Variants in CCN6 observed in about 807,000 individuals in gnomAD.
CCN6 encodes the protein CCN family member 6.
A neutral mutation model predicts 37.4 loss-of-function variants in CCN6; 31 were observed. That is an observed-to-expected ratio of 0.83 (90% CI 0.62 to 1.12). CCN6 has a LOEUF of 1.12. CCN6 is among the 50% of genes most tolerant of loss of function. The probability of loss-of-function intolerance (pLI) is 0.00; values close to 1 mark genes in which losing one functional copy is unlikely to be tolerated. For synonymous variants in CCN6, 137 were observed against 142.1 expected (o/e 0.96, Z 0.26); for missense variants, 369 against 413.8 (o/e 0.89, Z 0.94).
intron 1 of CCN6, 139 bp from the exon 2 acceptor site, chr6:112,060,852 T>C (rs2114444347): frequency 1.0e-6 from 1 of 978,432 alleles, no homozygotes; most frequent in Non-Finnish European, 1.6e-6. Context: ...AGAGTAATTG[T>C]GTCAAATGCT....
chr6:112,064,068 T>G (rs1040825322), intron 2 of CCN6, among the ~76,000 whole-genome samples: 9 of 152,146 alleles, frequency 5.9e-5, no homozygotes, highest in African/African-American at 2.2e-4. Flanking sequence ...CAAGATTACC[T>G]CTACAGTTTG....
At chr6:112,060,960 T>C (rs782331474) in intron 1 of CCN6, 31 bp from the exon 2 acceptor site, 49 of 1,612,942 alleles carry the variant, frequency 3.0e-5, no homozygotes, top group Non-Finnish European at 3.7e-5. Context: ...AGAGAAGCTA[T>C]TTCTAACATC....
Position 112,054,366 on chromosome 6 carries a change from G to A in CCN6, c.9G>A (p.Gly3=). 6.2e-7 allele frequency: 1 copy of A among 1,613,710 alleles called. No homozygotes were observed. The highest frequency in any genetic ancestry group is 1.1e-5 in the South Asian group (1 of 91,042). ...TCCACGGTCCCAGCGACATGCAGGG[G>A]CTCCTCTTCTCCACTCTTCTGCTTG... MQ[G]LLFSTLLLAG... Residue 3 remains glycine (G), a synonymous_variant, in exon 1 of 5, where the codon GGG becomes GGA. Coordinates refer to ENST00000368666, the MANE Select transcript of CCN6 (RefSeq NM_198239.2).
rs1554314719 is a variant in CCN6, at chr6:112,069,419, T to C, written c.864T>C (p.Thr288=). 6.2e-7 allele frequency: 1 copy of C among 1,613,758 alleles called. No individual in the cohort carries two copies. Residue 288 remains threonine (T), a synonymous_variant, in exon 5 of 5, where the codon ACT becomes ACC. Transcript: ENST00000368666. ...EKFVFSGCSS[T]QSYKPTFCGI... is the part of the protein sequence containing the mutation. ...TTGTCTTTTCTGGATGCTCAAGTAC[T>C]CAGAGTTACAAACCCACTTTTTGTG... is the stretch of plus-strand genomic sequence containing the variant.
At chr6:112,061,716 C>A (rs1023392878) in intron 2 of CCN6, among the ~76,000 whole-genome samples, 1 of 152,162 alleles carries the variant, frequency 6.6e-6, no homozygotes, top group African/African-American at 2.4e-5. Flanking sequence ...ACTTTAACCT[C>A]AGCTTTCCCA....
chr6:112,064,640 T>C, intron 2 of CCN6, 115 bp from the exon 3 acceptor site: 1 of 1,530,088 alleles, frequency 6.5e-7, no homozygotes, highest in South Asian at 1.1e-5. Flanking sequence ...ACCTAAGAGG[T>C]TGAGAGCTAT....
intron 1 of CCN6, among the ~76,000 whole-genome samples, chr6:112,058,539 G>T (rs1258622874): frequency 6.6e-6 from 1 of 152,216 alleles, no homozygotes; most frequent in African/African-American, 2.4e-5. Flanking sequence ...GCACTTACAT[G>T]GGTAATTTCA....
chr6:112,065,577 A>AACACACACACGCACACAC (rs1202946904), intron 3 of CCN6, among the ~76,000 whole-genome samples: 2 of 121,212 alleles, frequency 1.7e-5, no homozygotes, highest in Non-Finnish European at 3.7e-5. Flanking sequence ...CACACACACA[A>AACACACACACGCACACAC]ACACACACAC....
intron 3 of CCN6, among the ~76,000 whole-genome samples, chr6:112,067,604 TTGAA>T (rs1562598714): frequency 6.6e-6 from 1 of 152,142 alleles, no homozygotes; most frequent in Non-Finnish European, 1.5e-5. Context: ...GACAATTAAG[TTGAA>T]TGAATGAAAT....
intron 2 of CCN6, 93 bp downstream of exon 2, chr6:112,061,381 T>C: frequency 6.4e-7 from 1 of 1,560,604 alleles, no homozygotes; most frequent in East Asian, 2.2e-5. Context: ...TCAGCTTAGT[T>C]TGGCTAAATA....
Position 112,069,416 on chromosome 6 carries a change from T to TAC in CCN6, c.862_863dup (p.Gln289LeufsTer25), listed in dbSNP as rs863223286. 241 of 1,613,676 alleles carry TAC rather than the reference T, an allele frequency of 1.5e-4. No homozygotes were observed. Among genetic ancestry groups the TAC allele is most frequent in the Non-Finnish European group, 2.0e-4 (234 of 1,179,898 alleles). On this transcript the variant is annotated frameshift_variant, in exon 5 of 5. Transcript: ENST00000368666. LOFTEE classifies it high-confidence loss of function. Reference sequence around the variant, plus strand: ...AATTTGTCTTTTCTGGATGCTCAAGTACTCAGAGTTACAAACCCACTTTTT... The same window carrying TAC: ...AATTTGTCTTTTCTGGATGCTCAAGTACACTCAGAGTTACAAACCCACTTTTT...
intron 1 of CCN6, among the ~76,000 whole-genome samples, chr6:112,056,005 G>A (rs79230964): frequency 0.023 from 3,535 of 152,284 alleles, 148 homozygotes; most frequent in African/African-American, 0.082. Flanking sequence ...TCACAGAGCT[G>A]TTGCAAAGCT....
chr6:112,064,480 C>G lies in CCN6; in HGVS notation c.347-275C>G, dbSNP rs114179213. Among the ~76,000 whole-genome samples, 775 of 152,300 alleles carry G rather than the reference C, an allele frequency of 5.1e-3. 5 individuals are homozygous for G. The highest frequency in any genetic ancestry group is 0.018 in the African/African-American group (728 of 41,566). On this transcript the variant is annotated intron_variant, in intron 2 of 4. Transcript: ENST00000368666. Reference sequence around the variant, plus strand: ...CATTAACCTGTCTCAGATTTATTATCAACCACTATACTTATGGTGATTTTA... The same window carrying G: ...CATTAACCTGTCTCAGATTTATTATGAACCACTATACTTATGGTGATTTTA...
intron 1 of CCN6, chr6:112,059,994 G>A (rs587679026): frequency 3.9e-5 from 53 of 1,363,244 alleles, no homozygotes; most frequent in South Asian, 3.0e-4. Flanking sequence ...CAGACCTAAA[G>A]AGAGTAAAAG....
chr6:112,064,789 A>G lies in CCN6; in HGVS notation c.381A>G (p.Val127=). The part of the protein sequence containing the change: ...LVAVGCEFNQ[V]HYHNGQVFQP... ...CTGTTGGGTGCGAGTTCAACCAGGT[A>G]CATTATCATAATGGCCAAGTGTTTC... is the stretch of plus-strand genomic sequence containing the variant. Residue 127 remains valine (V), a synonymous_variant, in exon 3 of 5, where the codon GTA becomes GTG. Coordinates refer to ENST00000368666, the MANE Select transcript of CCN6 (RefSeq NM_198239.2). 2 of 1,614,066 alleles carry G rather than the reference A, an allele frequency of 1.2e-6. No individual in the cohort carries two copies. The highest frequency in any genetic ancestry group is 2.2e-5 in the East Asian group (1 of 44,882).
rs146763876 is a variant in CCN6, at chr6:112,055,785, T to C, written c.48+1380T>C. Among the ~76,000 whole-genome samples the C allele has an allele frequency of 1.7e-3, 261 of 152,288 alleles. 4 individuals are homozygous for C. The highest frequency in any genetic ancestry group is 6.1e-3 in the African/African-American group (255 of 41,566). On this transcript the variant is annotated intron_variant, in intron 1 of 4. Transcript: ENST00000368666. ...TTTGTATTTTAGTAGAGATAGGGTT[T>C]TGCCCTGTTGGCCAAGCTGGTCTTG...
intron 1 of CCN6, among the ~76,000 whole-genome samples, chr6:112,056,238 C>A (rs1776345491): frequency 6.6e-6 from 1 of 152,128 alleles, no homozygotes; most frequent in African/African-American, 2.4e-5. Context: ...CGAAGATCCT[C>A]CTTTAGTATT....
chr6:112,068,456 ATG>A (rs1776767504), intron 4 of CCN6, 58 bp downstream of exon 4: 8 of 1,483,386 alleles, frequency 5.4e-6, no homozygotes, highest in Non-Finnish European at 7.4e-6. Flanking sequence ...AAAAGTAAGC[ATG>A]TGTGTGTTTT....
chr6:112,063,460 T>C (rs1313513354), intron 2 of CCN6, among the ~76,000 whole-genome samples: 1 of 152,226 alleles, frequency 6.6e-6, no homozygotes, highest in Non-Finnish European at 1.5e-5. Context: ...ATTGTTCATT[T>C]GGAAAATATG....
Sources: gnomAD v4.1 joint callset for allele counts (sites outside exome capture counted in the v4.1 genomes callset) on GRCh38, gnomAD v4.1.1 for gene constraint, MANE v1.5 for transcripts, NCBI Gene and HGNC (gene_info 2026-07-23, HGNC 2026-07-21) for gene names.